RAB7A: variants seen among roughly 807,000 people sequenced by gnomAD.
The protein encoded by RAB7A is ras-related protein Rab-7a.
In RAB7A, 2 loss-of-function variants were observed where a neutral mutation model predicts 24.5. The observed-to-expected ratio is 0.08, with a 90% CI of 0.03 to 0.26. The LOEUF (loss-of-function observed/expected upper bound fraction) is 0.26, where lower values mean the gene tolerates loss of function less well. RAB7A is among the 10% of genes least tolerant of loss of function. The probability of loss-of-function intolerance (pLI) is 1.00; values close to 1 mark genes in which losing one functional copy is unlikely to be tolerated. For missense variants in RAB7A, 118 were observed against 255.7 expected, an observed-to-expected ratio of 0.46 and a Z score of 3.67; for synonymous variants, 100 against 95.9, an observed-to-expected ratio of 1.04 and a Z score of -0.25.
intron 1 of RAB7A, among the ~76,000 whole-genome samples, chr3:128,764,097 C>A (rs1055558333): frequency 2.6e-5 from 4 of 152,096 alleles, no homozygotes; most frequent in Non-Finnish European, 5.9e-5. Context: ...ACATGAGAAG[C>A]CACAAGCTGT....
rs556983979 is a variant in RAB7A, at chr3:128,772,424, C to T, written c.-8-22936C>T. On this transcript the variant is annotated intron_variant, in intron 1 of 5. Transcript: ENST00000265062. Reference sequence around the variant, plus strand: ...TAATACTATTGTCTCGTTTTTTTTTCTTCCATAACATATTTAAAATTCTTG... The same window carrying T: ...TAATACTATTGTCTCGTTTTTTTTTTTTCCATAACATATTTAAAATTCTTG... Among the ~76,000 whole-genome samples the T allele has an allele frequency of 3.0e-4, 46 of 151,190 alleles. No individual in the cohort carries two copies. In the South Asian group the frequency reaches 7.9e-3, roughly 26 times the overall value.
rs1028914117 is a variant in RAB7A, at chr3:128,805,870, T to C, written c.181-502T>C. On this transcript the variant is annotated intron_variant, in intron 3 of 5. Coordinates refer to ENST00000265062, the MANE Select transcript of RAB7A (RefSeq NM_004637.6). ...TTTCTCCATGTTGGTCAGGCTGGTC[T>C]CAAACTCCTGACCTCCGGTGATCCA... Among the ~76,000 whole-genome samples the C allele has an allele frequency of 3.3e-5, 5 of 152,170 alleles. No homozygotes were observed. The South Asian group carries it at 6.2e-4, about 19-fold the overall frequency.
At chr3:128,740,284 G>A (rs1047343517) in intron 1 of RAB7A, among the ~76,000 whole-genome samples, 2 of 152,050 alleles carry the variant, frequency 1.3e-5, no homozygotes, top group East Asian at 1.9e-4. Flanking sequence ...TGGAGGCTGA[G>A]GCAGGAGAAT....
chr3:128,732,367 T>A (rs2070447761), intron 1 of RAB7A, among the ~76,000 whole-genome samples: 1 of 152,044 alleles, frequency 6.6e-6, no homozygotes, highest in African/African-American at 2.4e-5. Flanking sequence ...TGATACGTCT[T>A]TTTTGCTGAT....
At chr3:128,783,487 A>G (rs539411232) in intron 1 of RAB7A, among the ~76,000 whole-genome samples, 23 of 152,184 alleles carry the variant, frequency 1.5e-4, no homozygotes, top group African/African-American at 5.5e-4. Flanking sequence ...GAGGAATGGC[A>G]AGCCCATTTG....
At chr3:128,795,697 G>C (rs1933551935) in intron 2 of RAB7A, among the ~76,000 whole-genome samples, 1 of 148,458 alleles carries the variant, frequency 6.7e-6, no homozygotes, top group African/African-American at 2.5e-5. Context: ...GGCCAGGCTG[G>C]GGAGTCTTCC....
intron 1 of RAB7A, among the ~76,000 whole-genome samples, chr3:128,752,873 T>G (rs1025942148): frequency 3.9e-5 from 6 of 152,162 alleles, no homozygotes; most frequent in African/African-American, 4.8e-5. Context: ...CCTTTTGGCT[T>G]TTAAACATGT....
intron 3 of RAB7A, 161 bp downstream of exon 3, chr3:128,798,230 G>T: frequency 1.2e-6 from 1 of 863,600 alleles, no homozygotes; most frequent in Non-Finnish European, 1.8e-6. Flanking sequence ...CAGATCAATA[G>T]TGAATACTTT....
At chr3:128,788,374 A>G (rs1357944634) in intron 1 of RAB7A, among the ~76,000 whole-genome samples, 1 of 152,236 alleles carries the variant, frequency 6.6e-6, no homozygotes, top group African/African-American at 2.4e-5. Context: ...TGAAGAAGGA[A>G]AAAGAAAATC....
intron 1 of RAB7A, among the ~76,000 whole-genome samples, chr3:128,727,307 G>A (rs1449905038): frequency 6.6e-6 from 1 of 152,174 alleles, no homozygotes; most frequent in Non-Finnish European, 1.5e-5. Flanking sequence ...AATAAGTTAC[G>A]AAGCAGAGAT....
At chr3:128,754,063 C>A (rs1431194254) in intron 1 of RAB7A, among the ~76,000 whole-genome samples, 1 of 151,868 alleles carries the variant, frequency 6.6e-6, no homozygotes, top group Non-Finnish European at 1.5e-5. Context: ...TGAAGGAAGT[C>A]ATGAAGGTTG....
At chr3:128,760,033 TTGAC>T (rs2070765396) in intron 1 of RAB7A, among the ~76,000 whole-genome samples, 1 of 152,240 alleles carries the variant, frequency 6.6e-6, no homozygotes, top group South Asian at 2.1e-4. Flanking sequence ...ATGAGTCAAT[TTGAC>T]TGGTCCTCAG....
At chr3:128,742,266 G>T (rs2070562253) in intron 1 of RAB7A, among the ~76,000 whole-genome samples, 2 of 152,124 alleles carry the variant, frequency 1.3e-5, no homozygotes. Context: ...GAGTGAAGCT[G>T]CAGACCTTCT....
intron 5 of RAB7A, among the ~76,000 whole-genome samples, chr3:128,809,369 T>C (rs1212038996): frequency 6.6e-6 from 1 of 152,192 alleles, no homozygotes; most frequent in Non-Finnish European, 1.5e-5. Flanking sequence ...ACATTGCCGA[T>C]CTTTGGGTGT....
intron 1 of RAB7A, among the ~76,000 whole-genome samples, chr3:128,739,001 C>T (rs764699295): frequency 2.0e-5 from 3 of 152,114 alleles, no homozygotes; most frequent in Non-Finnish European, 2.9e-5. Flanking sequence ...AAGATCCTTT[C>T]GTATTTTGAC....
chr3:128,784,946 ATTT>A (rs11287809), intron 1 of RAB7A, among the ~76,000 whole-genome samples: 9 of 135,338 alleles, frequency 6.7e-5, no homozygotes, highest in South Asian at 2.3e-4. Flanking sequence ...TCATGGCATG[ATTT>A]TTTTTTTTTT....
At position 128,797,923 on chromosome 3, in the gene RAB7A, T is replaced by G; in HGVS notation, c.54-20T>G. On this transcript the variant is annotated intron_variant, in intron 2 of 5. Coordinates refer to ENST00000265062, the MANE Select transcript of RAB7A (RefSeq NM_004637.6). The stretch of plus-strand genomic sequence containing the variant: ...GACCCTCCTATTTGACTTATACTTA[T>G]GGTTTTTCTCCAATTTCAGAGTCGG... 6.2e-7 allele frequency: 1 copy of G among 1,612,488 alleles called. No individual in the cohort carries two copies. Among genetic ancestry groups the G allele is most frequent in the Non-Finnish European group, 8.5e-7 (1 of 1,178,742 alleles).
chr3:128,784,067 A>C (rs1411007648), intron 1 of RAB7A, among the ~76,000 whole-genome samples: 1 of 152,240 alleles, frequency 6.6e-6, no homozygotes, highest in Admixed American at 6.5e-5. Context: ...AATTTAGCAC[A>C]GGCGTCTAGA....
chr3:128,803,589 T>C (rs1933741906), intron 3 of RAB7A, among the ~76,000 whole-genome samples: 2 of 152,214 alleles, frequency 1.3e-5, no homozygotes, highest in South Asian at 4.1e-4. Context: ...CTGGACATTA[T>C]GAGAGAGTTG....
Sources: gnomAD v4.1 joint callset for allele counts (sites outside exome capture counted in the v4.1 genomes callset) on GRCh38, gnomAD v4.1.1 for gene constraint, MANE v1.5 for transcripts, NCBI Gene and HGNC (gene_info 2026-07-23, HGNC 2026-07-21) for gene names.